INPP5E: variants seen among roughly 807,000 people sequenced by gnomAD.
INPP5E encodes the protein inositol polyphosphate-5-phosphatase E, also known as phosphatidylinositol polyphosphate 5-phosphatase type IV.
Under a neutral mutation model 50.5 loss-of-function variants are expected in INPP5E, and 34 were observed. The ratio of observed to expected loss-of-function variants is 0.67; its 90% CI spans 0.51 to 0.90. INPP5E has a LOEUF of 0.90. Ranked by LOEUF, INPP5E falls within the 40% of genes least tolerant of loss-of-function variation. The probability of loss-of-function intolerance (pLI) is 0.00; values close to 1 mark genes in which losing one functional copy is unlikely to be tolerated. For missense variants in INPP5E, 942 were observed against 905.5 expected (o/e 1.04, Z -0.52); for synonymous variants, 447 against 406.0 (o/e 1.10, Z -1.21).
rs1835772932 is a variant in INPP5E at position 136,434,053 on chromosome 9, C to G, written c.1018G>C (p.Glu340Gln). 1.2e-6 allele frequency: 2 copies of G among 1,609,354 alleles called. No individual in the cohort carries two copies. The highest frequency in any genetic ancestry group is 1.7e-5 in the Admixed American group (1 of 59,740). The change falls in exon 3 of 10, where the codon GAG (glutamate) becomes CAG (glutamine). Residue 340 changes from glutamate (E) to glutamine (Q), a missense_variant. Glu to Gln is a conservative substitution (Grantham distance 29, BLOSUM62 2). Coordinates refer to ENST00000371712, the MANE Select transcript of INPP5E (RefSeq NM_019892.6). ...AQDLYVIGVQEGCSDRREWET... is the reference protein window; with the variant it reads ...AQDLYVIGVQQGCSDRREWET... ...CCGCCCTACCTGTCAGAACAGCCCT[C>G]CTGGACCCCGATGACATACAGGTCC...
At chr9:136,433,608 C>A (rs1835763790) in intron 3 of INPP5E, among the ~76,000 whole-genome samples, 1 of 152,176 alleles carries the variant, frequency 6.6e-6, no homozygotes, top group Admixed American at 6.5e-5. Flanking sequence ...TGGGCGGCAG[C>A]CACCTGCTGT....
chr9:136,430,498 A>G, intron 8 of INPP5E, 85 bp from the exon 9 acceptor site: 1 of 1,496,052 alleles, frequency 6.7e-7, no homozygotes, highest in East Asian at 2.5e-5. Flanking sequence ...GCTGTTCTCA[A>G]GCGCCCCCCA....
rs1588834957 is a variant in INPP5E at position 136,433,934 on chromosome 9, G to C, written c.1034+103C>G. 5.5e-6 allele frequency: 5 copies of C among 908,372 alleles called. No individual in the cohort carries two copies. In the East Asian group the frequency reaches 7.9e-5, roughly 14 times the overall value. 56.3% of individuals were successfully genotyped at this position (908,372 alleles called of 1,614,324 possible). ...TTCACAGATGGCAGCCCCCGGGCAGGCACTGCAGACCCGTGCCCAGCCATG... is the reference window on the plus strand; with the variant it reads ...TTCACAGATGGCAGCCCCCGGGCAGCCACTGCAGACCCGTGCCCAGCCATG... On this transcript the variant is annotated intron_variant, in intron 3 of 9. Transcript: ENST00000371712.
intron 1 of INPP5E, chr9:136,435,507 C>T (rs1239597500): frequency 6.6e-6 from 1 of 152,574 alleles, no homozygotes; most frequent in Non-Finnish European, 1.5e-5. Context: ...GCCACCACGC[C>T]CGGCTAGTTA....
intron 6 of INPP5E, 91 bp downstream of exon 6, chr9:136,432,388 G>C (rs549012349): frequency 1.2e-6 from 1 of 836,472 alleles, no homozygotes; most frequent in Non-Finnish European, 2.0e-6. Context: ...CAAAGCTCAG[G>C]ACGCTGCCTC....
intron 8 of INPP5E, 72 bp downstream of exon 8, chr9:136,430,930 G>A: frequency 9.2e-7 from 1 of 1,085,246 alleles, no homozygotes; most frequent in Non-Finnish European, 1.4e-6. Context: ...CCTGACGCCA[G>A]GCATCGGTTC....
At position 136,431,867 on chromosome 9, in the gene INPP5E, C is replaced by G; in HGVS notation, c.1506G>C (p.Pro502=). Residue 502 remains proline (P), a synonymous_variant, in exon 7 of 10, where the codon CCG becomes CCC. Coordinates refer to ENST00000371712, the MANE Select transcript of INPP5E (RefSeq NM_019892.6). The part of the protein sequence containing the change: ...LLCQGLVVDV[P]ALLQHDQLIR... ...TGAGCTGGTCGTGCTGCAGCAGCGCCGGCACGTCCACCACCAGGCCCTGGC... is the reference window on the plus strand; with the variant it reads ...TGAGCTGGTCGTGCTGCAGCAGCGCGGGCACGTCCACCACCAGGCCCTGGC... 6.2e-7 allele frequency: 1 copy of G among 1,609,570 alleles called. No individual in the cohort carries two copies. Among genetic ancestry groups the G allele is most frequent in the Non-Finnish European group, 8.5e-7 (1 of 1,179,080 alleles).
chr9:136,433,008 G>A lies in INPP5E; in HGVS notation c.1227C>T (p.Ile409=), dbSNP rs1457271082. The change falls in exon 5 of 10, where the codon ATC becomes ATT. Residue 409 remains isoleucine, a synonymous_variant. Transcript: ENST00000371712. ...SQIKTKGALG[I]SFTFFGTSFL... is the part of the protein sequence containing the mutation. Reference sequence around the variant, plus strand: ...AGGAAGTGCCAAAAAAGGTGAAGCTGATGCCCAAGGCCCCCTTGGTCTTGA... The same window carrying A: ...AGGAAGTGCCAAAAAAGGTGAAGCTAATGCCCAAGGCCCCCTTGGTCTTGA... 6.2e-7 allele frequency: 1 copy of A among 1,613,786 alleles called. No homozygotes were observed. Among genetic ancestry groups the A allele is most frequent in the Non-Finnish European group, 8.5e-7 (1 of 1,179,986 alleles).
At chr9:136,433,505 C>T (rs113077382) in intron 3 of INPP5E, among the ~76,000 whole-genome samples, 5,158 of 152,234 alleles carry the variant, frequency 0.034, 123 homozygotes, top group Middle Eastern at 0.075. Context: ...GGACCCCCGC[C>T]GAGACCCCAG....
Position 136,429,693 on chromosome 9 carries a change from G to A in INPP5E, c.1917C>T (p.Thr639=). ...GCAAACTTCAAGAAACGGAGCAGAT[G>A]GTGCTGGAGTTCTGACTCTGTAGTG... is the stretch of plus-strand genomic sequence containing the variant. The part of the protein sequence containing the change: ...QQALQSQNSS[T]ICSVS Residue 639 remains threonine, a synonymous_variant, in exon 10 of 10, where the codon ACC becomes ACT. Coordinates refer to ENST00000371712, the MANE Select transcript of INPP5E (RefSeq NM_019892.6). 6.2e-7 allele frequency: 1 copy of A among 1,614,108 alleles called. No individual in the cohort carries two copies. The highest frequency in any genetic ancestry group is 1.7e-5 in the Admixed American group (1 of 60,032).
At chr9:136,432,612 AC>A in intron 5 of INPP5E, 26 bp from the exon 6 acceptor site, 1 of 1,423,462 alleles carries the variant, frequency 7.0e-7, no homozygotes, top group Non-Finnish European at 9.7e-7. Flanking sequence ...TGGGGTAGGG[AC>A]CACAGGGTTC....
chr9:136,430,542 C>G lies in INPP5E; in HGVS notation c.1666-129G>C, dbSNP rs770924738. On this transcript the variant is annotated intron_variant, in intron 8 of 9. Coordinates refer to ENST00000371712, the MANE Select transcript of INPP5E (RefSeq NM_019892.6). ...CCTTCTGGGACCCCTGACACTCATGCCCATTTTGTTGCCTGGCGTCTGTGG... is the reference window on the plus strand; with the variant it reads ...CCTTCTGGGACCCCTGACACTCATGGCCATTTTGTTGCCTGGCGTCTGTGG... The G allele has an allele frequency of 4.3e-6, 5 of 1,159,188 alleles. No individual in the cohort carries two copies. The East Asian group carries it at 7.7e-5, about 18-fold the overall frequency. 71.8% of individuals were successfully genotyped at this position (1,159,188 alleles called of 1,614,324 possible). A position where few individuals can be genotyped will look rare whatever the true frequency, so the allele number is the denominator to read the frequency against.
chr9:136,434,496 G>C (rs116928931), intron 2 of INPP5E, among the ~76,000 whole-genome samples: 4 of 150,774 alleles, frequency 2.7e-5, no homozygotes, highest in African/African-American at 9.8e-5. Context: ...GGCCAGGCCC[G>C]TTGCCCCAAC....
At position 136,439,074 on chromosome 9, in the gene INPP5E, C is replaced by T; in HGVS notation, c.346G>A (p.Val116Met). ...GGGGCCCCGGGGCCCTCGCTCTGCA[C>T]TGAGCCCCTGGAGGGACTGGTCCCA... ...RNGTSPSRGS[V>M]QSEGPGAPAH... The change falls in exon 1 of 10, where the codon GTG becomes ATG. Residue 116 changes from valine (V) to methionine (M), a missense_variant. Transcript: ENST00000371712. 6.4e-7 allele frequency: 1 copy of T among 1,570,056 alleles called. No homozygotes were observed.
Position 136,431,070 on chromosome 9 carries a change from A to G in INPP5E, c.1597T>C (p.Ser533Pro). The G allele has an allele frequency of 6.2e-7, 1 of 1,613,116 alleles. No homozygotes were observed. The highest frequency in any genetic ancestry group is 1.1e-5 in the South Asian group (1 of 91,068). The change falls in exon 8 of 10, where the codon TCA (serine) becomes CCA (proline). Residue 533 changes from serine to proline, a missense_variant. Coordinates refer to ENST00000371712, the MANE Select transcript of INPP5E (RefSeq NM_019892.6). ...FQEPDIHFLP[S>P]YKFDIGKDTY... ...TCCTTCCCGATGTCAAACTTGTATG[A>G]TGGGAGGAAGTGGATGTCCGGCTCC...
intron 1 of INPP5E, chr9:136,438,130 C>T: frequency 5.6e-6 from 1 of 178,782 alleles, no homozygotes; most frequent in Non-Finnish European, 1.2e-5. Flanking sequence ...CAAAATTTAG[C>T]TGGGTGTGGT....
rs1032007993 is a variant in INPP5E, at chr9:136,434,114, G to A, written c.957C>T (p.Asp319=). The A allele has an allele frequency of 6.8e-6, 11 of 1,609,118 alleles. No individual in the cohort carries two copies. The highest frequency in any genetic ancestry group is 2.2e-5 in the East Asian group (1 of 44,838). The change falls in exon 3 of 10, where the codon GAC becomes GAT. Residue 319 remains aspartate (D), a synonymous_variant. Transcript: ENST00000371712. The part of the protein sequence containing the change: ...QGQKELPPSL[D]EFLLPAEADY... ...CGGCCTCGGCTGGGAGCAGGAACTCGTCCAGGCTGGGCGGGAGCTCCTGGA... is the reference window on the plus strand; with the variant it reads ...CGGCCTCGGCTGGGAGCAGGAACTCATCCAGGCTGGGCGGGAGCTCCTGGA...
chr9:136,439,290 C>G lies in INPP5E; in HGVS notation c.130G>C (p.Gly44Arg). 6.9e-7 allele frequency: 1 copy of G among 1,444,842 alleles called. No homozygotes were observed. The highest frequency in any genetic ancestry group is 9.0e-7 in the Non-Finnish European group (1 of 1,108,334). The allele number at this position is 1,444,842 out of a possible 1,614,324, so 89.5% of individuals were successfully genotyped here. The change falls in exon 1 of 10, where the codon GGC (glycine) becomes CGC (arginine). Residue 44 changes from glycine (G) to arginine (R), a missense_variant. Gly to Arg is a moderately radical substitution (Grantham distance 125, BLOSUM62 -2). Coordinates refer to ENST00000371712, the MANE Select transcript of INPP5E (RefSeq NM_019892.6). ...CAGGCAAGCGCGGGGCTCTCGGAGC[C>G]CGGAGCATCGGGTGGGGACCCCGCG... is the stretch of plus-strand genomic sequence containing the variant. ...QRAGSPPDAP[G>R]SESPALACST... is the part of the protein sequence containing the mutation.
rs547569007 is a variant in INPP5E, at chr9:136,431,805, C to T, written c.1549+19G>A. 1.5e-5 allele frequency: 24 copies of T among 1,560,852 alleles called. No individual in the cohort carries two copies. Among genetic ancestry groups the T allele is most frequent in the Middle Eastern group, 1.8e-4 (1 of 5,536 alleles). ...ACCTCTCCTCATCTCCCTCCATGCC[C>T]GCCCCCCCAGGCCCTCACCTTTCCG... On this transcript the variant is annotated intron_variant, in intron 7 of 9. Coordinates refer to ENST00000371712, the MANE Select transcript of INPP5E (RefSeq NM_019892.6).
Sources: allele counts gnomAD v4.1 joint callset (sites outside exome capture counted in the v4.1 genomes callset), GRCh38; gene constraint gnomAD v4.1.1; transcripts MANE v1.5; gene names NCBI Gene and HGNC (gene_info 2026-07-23, HGNC 2026-07-21).